CNTN1: variants seen among roughly 807,000 people sequenced by gnomAD.
CNTN1 encodes contactin 1, also known as contactin-1.
A neutral mutation model predicts 126.4 loss-of-function variants in CNTN1; 38 were observed. That is an observed-to-expected ratio of 0.30 (90% CI 0.23 to 0.39). CNTN1 has a LOEUF of 0.39. Ranked by LOEUF, CNTN1 falls within the 10% of genes least tolerant of loss-of-function variation. CNTN1 has a pLI of 1.00. For synonymous variants in CNTN1, 413 were observed against 422.6 expected (o/e 0.98, Z 0.28); for missense variants, 1,009 against 1,248.4 (o/e 0.81, Z 2.89).
chr12:40,907,359 G>T (rs1292251547), intron 1 of CNTN1, among the ~76,000 whole-genome samples: 1 of 152,202 alleles, frequency 6.6e-6, no homozygotes, highest in African/African-American at 2.4e-5. Context: ...TCACATATCT[G>T]TGTACTCTTT....
intron 1 of CNTN1, among the ~76,000 whole-genome samples, chr12:40,694,220 G>A (rs1044140220): frequency 6.6e-6 from 1 of 152,206 alleles, no homozygotes; most frequent in Non-Finnish European, 1.5e-5. Context: ...GAACCCTTGC[G>A]GGGGTAGATG....
chr12:41,069,403 AATTATT>A (rs1264728414), intron 23 of CNTN1, among the ~76,000 whole-genome samples: 1 of 152,088 alleles, frequency 6.6e-6, no homozygotes, highest in Non-Finnish European at 1.5e-5. Flanking sequence ...TTTCAGGAAA[AATTATT>A]AGTATTTTTA....
At chr12:40,908,706 T>C (rs1385952743) in intron 2 of CNTN1, among the ~76,000 whole-genome samples, 1 of 152,288 alleles carries the variant, frequency 6.6e-6, no homozygotes, top group Admixed American at 6.5e-5. Context: ...AGTGTGCTGG[T>C]GAATGTTTAA....
Position 40,795,995 on chromosome 12 carries a change from G to A in CNTN1, c.-77+103403G>A, listed in dbSNP as rs547757164. Among the ~76,000 whole-genome samples, 75 of 152,146 alleles carry A rather than the reference G, an allele frequency of 4.9e-4. No individual in the cohort carries two copies. The South Asian group carries it at 8.9e-3, about 18-fold the overall frequency. ...ACAGCTAGTAAATGTCATACCCAGT[G>A]CCAAACCTGGGCTATAATGCATGAA... On this transcript the variant is annotated intron_variant, in intron 1 of 23. Coordinates refer to ENST00000551295, the MANE Select transcript of CNTN1 (RefSeq NM_001843.4).
At chr12:41,042,045 G>A (rs1234898585) in intron 23 of CNTN1, among the ~76,000 whole-genome samples, 1 of 151,850 alleles carries the variant, frequency 6.6e-6, no homozygotes, top group Non-Finnish European at 1.5e-5. Flanking sequence ...TTTCTCTTAT[G>A]GGCATTTAGT....
At chr12:40,901,110 ATCTC>A (rs1944586382) in intron 1 of CNTN1, among the ~76,000 whole-genome samples, 1 of 152,152 alleles carries the variant, frequency 6.6e-6, no homozygotes, top group African/African-American at 2.4e-5. Flanking sequence ...TCCTGACCAA[ATCTC>A]TCACATTTCT....
At chr12:40,704,478 A>C (rs1941683580) in intron 1 of CNTN1, among the ~76,000 whole-genome samples, 1 of 152,088 alleles carries the variant, frequency 6.6e-6, no homozygotes, top group Non-Finnish European at 1.5e-5. Flanking sequence ...ATATTTTTTC[A>C]TCTTCATCTT....
intron 1 of CNTN1, among the ~76,000 whole-genome samples, chr12:40,799,304 A>G (rs775002149): frequency 6.6e-6 from 1 of 151,606 alleles, no homozygotes; most frequent in Non-Finnish European, 1.5e-5. Context: ...TCTATATATA[A>G]TAAAATCCAT....
Position 41,069,976 on chromosome 12 carries a change from C to T in CNTN1, c.2998C>T (p.Pro1000Ser), listed in dbSNP as rs771084573. 8.1e-6 allele frequency: 13 copies of T among 1,613,956 alleles called. No individual in the cohort carries two copies. Among genetic ancestry groups the T allele is most frequent in the Non-Finnish European group, 1.1e-5 (13 of 1,179,972 alleles). The part of the protein sequence containing the change: ...VKISGAPTLS[P>S]SLLGLLLPAF... ...CCTTGCAGGTGCACCCACCCTATCC[C>T]CAAGTCTTCTCGGCTTACTGCTGCC... The change falls in exon 24 of 24, where the codon CCA (proline) becomes TCA (serine). Residue 1000 changes from proline (P) to serine (S), a missense_variant. Transcript: ENST00000551295.
At chr12:41,017,400 A>T (rs1717696892) in intron 19 of CNTN1, among the ~76,000 whole-genome samples, 1 of 150,368 alleles carries the variant, frequency 6.7e-6, no homozygotes, top group African/African-American at 2.4e-5. Context: ...AAAAAAAAAA[A>T]TTTCTGTAAT....
intron 15 of CNTN1, 36 bp downstream of exon 15, chr12:40,959,270 A>C (rs573634399): frequency 6.2e-7 from 1 of 1,608,274 alleles, no homozygotes; most frequent in African/African-American, 1.3e-5. Context: ...ACAAAACCAA[A>C]AGTATTTGAC....
intron 1 of CNTN1, among the ~76,000 whole-genome samples, chr12:40,804,136 A>C (rs1484598559): frequency 3.9e-5 from 6 of 152,002 alleles, no homozygotes; most frequent in South Asian, 2.1e-4. Context: ...TTGCACTTCT[A>C]GACTTTTTTC....
rs568733524 is a variant in CNTN1, at chr12:41,030,719, T to A, written c.2980+1500T>A. Among the ~76,000 whole-genome samples the A allele has an allele frequency of 2.5e-4, 38 of 152,306 alleles. No homozygotes were observed. In the South Asian group the frequency reaches 6.8e-3, roughly 27 times the overall value. On this transcript the variant is annotated intron_variant, in intron 23 of 23. Transcript: ENST00000551295. ...CTGGTTAAATTTAAGACAAAGTGTT[T>A]TAGGTTGCTAAATTTCTTCAAAAAC...
Position 40,993,215 on chromosome 12 carries a change from C to T in CNTN1, c.2059C>T (p.Leu687=), listed in dbSNP as rs377022967. 5.0e-6 allele frequency: 8 copies of T among 1,613,726 alleles called. No homozygotes were observed. In the Admixed American group the frequency reaches 8.3e-5, roughly 17 times the overall value. The part of the protein sequence containing the change: ...YEFRVVATNT[L]GRGEPSIPSN... Reference sequence around the variant, plus strand: ...ATTCCGCGTGGTAGCAACCAATACACTGGGTAGAGGAGAGCCCAGTATACC... The same window carrying T: ...ATTCCGCGTGGTAGCAACCAATACATTGGGTAGAGGAGAGCCCAGTATACC... The change falls in exon 17 of 24, where the codon CTG becomes TTG. Residue 687 remains leucine, a synonymous_variant. Transcript: ENST00000551295.
In CNTN1 at chr12:41,071,372, A is replaced by C. The variant is rs1187423120; in HGVS notation, c.*1337A>C. 1 of 152,208 alleles carries C rather than the reference A, an allele frequency of 6.6e-6. No homozygotes were observed. The highest frequency in any genetic ancestry group is 1.5e-5 in the Non-Finnish European group (1 of 68,030). 9.4% of individuals were successfully genotyped at this position (152,208 alleles called of 1,614,324 possible). A position where few individuals can be genotyped will look rare whatever the true frequency, so the allele number is the denominator to read the frequency against. On this transcript the variant is annotated 3_prime_UTR_variant, in exon 24 of 24. Transcript: ENST00000551295. ...ATGTAAAAGAAATCGAGTAATAAAG[A>C]ATTAGCTGGCTTGTGAAATAGTGCA...
chr12:41,058,456 G>A (rs966858630), intron 23 of CNTN1, among the ~76,000 whole-genome samples: 2 of 152,016 alleles, frequency 1.3e-5, no homozygotes, highest in South Asian at 2.1e-4. Context: ...TTCACTTGTG[G>A]GAATTTGATT....
intron 17 of CNTN1, among the ~76,000 whole-genome samples, chr12:41,004,395 A>G (rs560577788): frequency 1.3e-4 from 20 of 152,252 alleles, no homozygotes; most frequent in Non-Finnish European, 2.4e-4. Context: ...CCATGTGGCA[A>G]TGAGAAGAAT....
chr12:40,923,935 G>A (rs1945540313), intron 5 of CNTN1, among the ~76,000 whole-genome samples: 1 of 152,106 alleles, frequency 6.6e-6, no homozygotes, highest in Admixed American at 6.6e-5. Context: ...AATAGAATGA[G>A]TATCAGTAAA....
chr12:40,943,739 G>T lies in CNTN1; in HGVS notation c.1507+15G>T, dbSNP rs1311980645. On this transcript the variant is annotated intron_variant, in intron 13 of 23. Coordinates refer to ENST00000551295, the MANE Select transcript of CNTN1 (RefSeq NM_001843.4). ...TGTTATCACAGGTAAGTTAATGTTT[G>T]AGGGTGCTTAATTTCTAATGTATTA... The T allele has an allele frequency of 1.9e-6, 3 of 1,612,138 alleles. No individual in the cohort carries two copies. The Admixed American group carries it at 5.0e-5, about 27-fold the overall frequency.
Sources: gnomAD v4.1 joint callset for allele counts (sites outside exome capture counted in the v4.1 genomes callset) on GRCh38, gnomAD v4.1.1 for gene constraint, MANE v1.5 for transcripts, NCBI Gene and HGNC (gene_info 2026-07-23, HGNC 2026-07-21) for gene names.